Variants in FAM227B observed in about 807,000 individuals in gnomAD.
The protein encoded by FAM227B is protein FAM227B.
Under a neutral mutation model 73.8 loss-of-function variants are expected in FAM227B, and 88 were observed. That is an observed-to-expected ratio of 1.19 (90% confidence interval 1.00 to 1.42). FAM227B has a LOEUF of 1.42. FAM227B is among the 40% of genes most tolerant of loss of function. The pLI, the probability that FAM227B is intolerant of heterozygous loss-of-function variation, is 0.00. For synonymous variants in FAM227B, 210 were observed against 190.5 expected, an observed-to-expected ratio of 1.10 and a Z score of -0.84; for missense variants, 632 against 590.9, an observed-to-expected ratio of 1.07 and a Z score of -0.72.
At chr15:49,338,990 G>A (rs2040246012) in intron 13 of FAM227B, among the ~76,000 whole-genome samples, 1 of 152,034 alleles carries the variant, frequency 6.6e-6, no homozygotes, top group Non-Finnish European at 1.5e-5. Flanking sequence ...GGTCACTTAT[G>A]TTCTTCTCTA....
intron 3 of FAM227B, among the ~76,000 whole-genome samples, chr15:49,610,966 A>T (rs930021783): frequency 7.2e-5 from 11 of 152,204 alleles, no homozygotes; most frequent in African/African-American, 2.7e-4. Flanking sequence ...TTACAATAAC[A>T]AAAGTATATA....
chr15:49,433,742 A>T (rs1285274602), intron 11 of FAM227B, among the ~76,000 whole-genome samples: 1 of 151,708 alleles, frequency 6.6e-6, no homozygotes, highest in East Asian at 1.9e-4. Flanking sequence ...GGCATAGTGA[A>T]GACCAATTCT....
intron 11 of FAM227B, among the ~76,000 whole-genome samples, chr15:49,381,083 G>A (rs1379873616): frequency 6.6e-6 from 1 of 152,062 alleles, no homozygotes; most frequent in African/African-American, 2.4e-5. Context: ...GAGGTGTCAT[G>A]CATTTTTAAA....
At chr15:49,552,857 T>C (rs1388845007) in intron 9 of FAM227B, among the ~76,000 whole-genome samples, 1 of 152,202 alleles carries the variant, frequency 6.6e-6, no homozygotes, top group Non-Finnish European at 1.5e-5. Context: ...TCTGATATAA[T>C]TCAGATTCCT....
chr15:49,594,352 G>A (rs886120110), intron 3 of FAM227B, among the ~76,000 whole-genome samples: 2 of 151,996 alleles, frequency 1.3e-5, no homozygotes, highest in African/African-American at 4.8e-5. Flanking sequence ...AGTTTACAAA[G>A]ACTTTTTTGC....
chr15:49,515,124 A>T (rs1015065332), intron 10 of FAM227B, among the ~76,000 whole-genome samples: 2 of 151,840 alleles, frequency 1.3e-5, no homozygotes, highest in African/African-American at 4.8e-5. Context: ...TGACAGTTTG[A>T]GGTTGTCTTA....
chr15:49,415,265 A>C (rs1355422901), intron 11 of FAM227B, among the ~76,000 whole-genome samples: 1 of 152,172 alleles, frequency 6.6e-6, no homozygotes, highest in Admixed American at 6.6e-5. Context: ...ATTTAGAGCT[A>C]ACAATGTAAT....
intron 13 of FAM227B, among the ~76,000 whole-genome samples, chr15:49,342,292 C>CT (rs1397057295): frequency 1.3e-5 from 2 of 151,996 alleles, no homozygotes; most frequent in African/African-American, 2.4e-5. Context: ...TACCCTTTGT[C>CT]TTTTTTTGAC....
In FAM227B at chr15:49,516,044, G is replaced by A. The variant is rs145209360; in HGVS notation, c.875-7696C>T. 3.5e-4 allele frequency among the ~76,000 whole-genome samples: 54 copies of A among 152,208 alleles called. No individual in the cohort carries two copies. The East Asian group carries it at 9.8e-3, about 28-fold the overall frequency. On this transcript the variant is annotated intron_variant, in intron 10 of 15. Transcript: ENST00000299338. ...GTATGTAGTCCTGGCCTCACAAGTA[G>A]AGGGTTTTTTCTCTGCTTCTTTCTT...
rs540547213 is a variant in FAM227B, at chr15:49,354,575, G to A, written c.1271+12873C>T. Among the ~76,000 whole-genome samples the A allele has an allele frequency of 1.1e-3, 171 of 152,278 alleles. 5 individuals are homozygous for A. In the South Asian group the frequency reaches 0.027, roughly 24 times the overall value. On this transcript the variant is annotated intron_variant, in intron 13 of 15. Coordinates refer to ENST00000299338, the MANE Select transcript of FAM227B (RefSeq NM_152647.3). ...ACGGCGCACCACGAGATTATATCCC[G>A]CACCTGGCTGGAAGGGTCCTACGCC...
At chr15:49,515,280 T>C (rs1205804976) in intron 10 of FAM227B, among the ~76,000 whole-genome samples, 1 of 152,172 alleles carries the variant, frequency 6.6e-6, no homozygotes, top group Admixed American at 6.6e-5. Context: ...AATGACATTC[T>C]TCATCTCTGT....
At chr15:49,515,240 G>C (rs985418341) in intron 10 of FAM227B, among the ~76,000 whole-genome samples, 3 of 151,790 alleles carry the variant, frequency 2.0e-5, no homozygotes, top group Non-Finnish European at 2.9e-5. Flanking sequence ...TCTTTCCTTG[G>C]GTGTGACAAG....
At position 49,373,523 on chromosome 15, in the gene FAM227B, C is replaced by A. The variant is rs142937692; in HGVS notation, c.1013-2124G>T. 5.8e-3 allele frequency among the ~76,000 whole-genome samples: 860 copies of A among 147,740 alleles called. 7 individuals carry two copies. The highest frequency in any genetic ancestry group is 0.02 in the African/African-American group (820 of 41,088). On this transcript the variant is annotated intron_variant, in intron 11 of 15. Transcript: ENST00000299338. ...AGCTTGGGAATATTACCTGAAAATC[C>A]AAAAATGACTCTATCTGATAAAACT... is the stretch of plus-strand genomic sequence containing the variant.
chr15:49,512,049 C>A (rs1183017795), intron 10 of FAM227B, among the ~76,000 whole-genome samples: 1 of 151,980 alleles, frequency 6.6e-6, no homozygotes, highest in African/African-American at 2.4e-5. Flanking sequence ...GCACATATTT[C>A]TTTTTATTAT....
chr15:49,362,279 C>G (rs2044374651), intron 13 of FAM227B, among the ~76,000 whole-genome samples: 1 of 152,068 alleles, frequency 6.6e-6, no homozygotes, highest in East Asian at 1.9e-4. Context: ...ATGAGATACG[C>G]TGGCTTAAAA....
intron 3 of FAM227B, among the ~76,000 whole-genome samples, chr15:49,601,829 GCTCT>G (rs1290894160): frequency 5.3e-5 from 8 of 152,146 alleles, no homozygotes; most frequent in South Asian, 2.1e-4. Flanking sequence ...CCCTCCTTCT[GCTCT>G]CTATTTCCAT....
In FAM227B at chr15:49,459,479, A is replaced by C. The variant is rs184236057; in HGVS notation, c.1012+48732T>G. On this transcript the variant is annotated intron_variant, in intron 11 of 15. Transcript: ENST00000299338. ...CTTTTTTTTGAGATATAAGAGTGAA[A>C]AGAGATTTTTTAAATGAACCTGCAT... Among the ~76,000 whole-genome samples the C allele has an allele frequency of 4.1e-5, 6 of 144,624 alleles. No homozygotes were observed. In the East Asian group the frequency reaches 9.7e-4, roughly 23 times the overall value. 94.9% of individuals were successfully genotyped at this position (144,624 alleles called of 152,430 possible).
chr15:49,487,623 A>G (rs1422071668), intron 11 of FAM227B: 1 of 151,906 alleles, frequency 6.6e-6, no homozygotes, highest in Non-Finnish European at 1.5e-5. Flanking sequence ...AAGCAATCCT[A>G]TAACAAGAAA....
intron 9 of FAM227B, among the ~76,000 whole-genome samples, chr15:49,555,100 C>G (rs2073504627): frequency 6.6e-6 from 1 of 152,148 alleles, no homozygotes; most frequent in African/African-American, 2.4e-5. Flanking sequence ...TCGATATATG[C>G]AGATTTAATG....
Sources: gnomAD v4.1 joint callset for allele counts (sites outside exome capture counted in the v4.1 genomes callset) on GRCh38, gnomAD v4.1.1 for gene constraint, MANE v1.5 for transcripts, NCBI Gene and HGNC (gene_info 2026-07-23, HGNC 2026-07-21) for gene names.